Variants in ESR1 observed in about 807,000 individuals in gnomAD.
ESR1 encodes estrogen receptor.
In ESR1, 12 loss-of-function variants were observed where a neutral mutation model predicts 52.7. The observed-to-expected ratio is 0.23, with a 90% CI of 0.15 to 0.37. The LOEUF (loss-of-function observed/expected upper bound fraction) is 0.37, where lower values mean the gene tolerates loss of function less well. Ranked by LOEUF, ESR1 falls within the 10% of genes least tolerant of loss-of-function variation. The probability of loss-of-function intolerance (pLI) is 1.00; values close to 1 mark genes in which losing one functional copy is unlikely to be tolerated. For synonymous variants in ESR1, 305 were observed against 316.8 expected (o/e 0.96, Z 0.39); for missense variants, 584 against 779.7 (o/e 0.75, Z 2.99).
chr6:151,727,291 T>A (rs1357974114), intron 2 of ESR1, among the ~76,000 whole-genome samples: 2 of 151,982 alleles, frequency 1.3e-5, no homozygotes, highest in Non-Finnish European at 2.9e-5. Flanking sequence ...AACCTTCACC[T>A]CCTGGGTCCA....
At chr6:151,910,256 A>T (rs1012943437) in intron 3 of ESR1, among the ~76,000 whole-genome samples, 2 of 152,066 alleles carry the variant, frequency 1.3e-5, no homozygotes, top group Non-Finnish European at 2.9e-5. Flanking sequence ...AATTAAATTT[A>T]ATTTAAATTT....
chr6:151,913,648 CT>C (rs34486255), intron 3 of ESR1, among the ~76,000 whole-genome samples: 1 of 152,234 alleles, frequency 6.6e-6, no homozygotes, highest in East Asian at 1.9e-4. Flanking sequence ...TCAAAATGAT[CT>C]TTTTTCCCAT....
intron 6 of ESR1, among the ~76,000 whole-genome samples, chr6:152,074,956 G>A (rs749898513): frequency 1.3e-5 from 2 of 152,196 alleles, no homozygotes; most frequent in Non-Finnish European, 2.9e-5. Context: ...TTATCGTTGA[G>A]TTTTAAAAGC....
At chr6:151,806,142 A>C (rs1777794621), upstream of ESR1, among the ~76,000 whole-genome samples, 3 of 152,218 alleles carry the variant, frequency 2.0e-5, no homozygotes, top group South Asian at 6.2e-4. Flanking sequence ...GCTGGCCATA[A>C]AGGGAAATAT....
intron 2 of ESR1, among the ~76,000 whole-genome samples, chr6:151,846,204 A>G (rs1054839568): frequency 6.6e-6 from 1 of 152,230 alleles, no homozygotes; most frequent in Non-Finnish European, 1.5e-5. Context: ...GGGGAATTCT[A>G]TGCGTAATAT....
chr6:151,700,273 T>A (rs1011720614), intron 1 of ESR1, among the ~76,000 whole-genome samples: 2 of 152,216 alleles, frequency 1.3e-5, no homozygotes, highest in Non-Finnish European at 2.9e-5. Context: ...AGTCTTTTTT[T>A]ATAGTTTAGT....
intron 4 of ESR1, among the ~76,000 whole-genome samples, chr6:151,985,507 C>CAAA (rs560626079): frequency 9.7e-5 from 5 of 51,346 alleles, no homozygotes; most frequent in East Asian, 9.8e-4. Context: ...GACTCTGTCT[C>CAAA]AAAAAAAAAA....
At chr6:152,108,826 T>C (rs993156707) in intron 6 of ESR1, among the ~76,000 whole-genome samples, 2 of 152,240 alleles carry the variant, frequency 1.3e-5, no homozygotes, top group Admixed American at 6.5e-5. Context: ...TTAGATTTGC[T>C]TCTCCAAAAA....
At chr6:151,679,909 C>T (rs139504745) in intron 1 of ESR1, among the ~76,000 whole-genome samples, 1 of 152,318 alleles carries the variant, frequency 6.6e-6, no homozygotes, top group African/African-American at 2.4e-5. Flanking sequence ...TTCTCAGTCA[C>T]CCTGTCTGAT....
intron 2 of ESR1, among the ~76,000 whole-genome samples, chr6:151,759,600 T>G (rs1124674): frequency 0.6 from 90,530 of 152,114 alleles, 27,424 homozygotes; most frequent in Admixed American, 0.64. Flanking sequence ...TTGAAGCTAG[T>G]TTAGTATCTC....
chr6:151,869,221 C>A (rs892468507), intron 2 of ESR1, among the ~76,000 whole-genome samples: 13 of 152,144 alleles, frequency 8.5e-5, no homozygotes, highest in Non-Finnish European at 1.8e-4. Flanking sequence ...GTTTAGATTT[C>A]AAATGAGTAC....
chr6:151,907,067 G>T (rs913892728), intron 3 of ESR1, among the ~76,000 whole-genome samples: 2 of 151,888 alleles, frequency 1.3e-5, no homozygotes, highest in African/African-American at 4.8e-5. Context: ...CTGTTGAAGA[G>T]AATCTGATTC....
chr6:151,732,577 C>T (rs796869055), intron 2 of ESR1, among the ~76,000 whole-genome samples: 11 of 151,018 alleles, frequency 7.3e-5, no homozygotes, highest in African/African-American at 2.7e-4. Flanking sequence ...AGGTTTGTCT[C>T]ATTCTTCTAT....
At chr6:151,814,664 TAAA>T (rs1341344692) in intron 1 of ESR1, among the ~76,000 whole-genome samples, 2 of 152,194 alleles carry the variant, frequency 1.3e-5, no homozygotes, top group African/African-American at 4.8e-5. Context: ...TTCAACAAAA[TAAA>T]GAAGAAATTT....
At chr6:152,002,206 G>A (rs1221464652) in intron 4 of ESR1, among the ~76,000 whole-genome samples, 1 of 151,596 alleles carries the variant, frequency 6.6e-6, no homozygotes, top group Admixed American at 6.6e-5. Context: ...GTGTGTGTGT[G>A]TGTGTGTGTG....
intron 3 of ESR1, among the ~76,000 whole-genome samples, chr6:151,912,854 G>C (rs1798481098): frequency 6.6e-6 from 1 of 152,136 alleles, no homozygotes; most frequent in African/African-American, 2.4e-5. Context: ...GCACTCATAA[G>C]TGGGAGTTGA....
chr6:152,088,413 A>C (rs1199487313), intron 6 of ESR1, among the ~76,000 whole-genome samples: 3 of 152,190 alleles, frequency 2.0e-5, no homozygotes, highest in African/African-American at 7.2e-5. Flanking sequence ...AAAATATGCT[A>C]CCGTGTGGTC....
intron 6 of ESR1, chr6:152,118,180 A>C (rs934738348): frequency 1.3e-5 from 2 of 152,178 alleles, no homozygotes; most frequent in African/African-American, 4.8e-5. Context: ...TAACAGCTTT[A>C]ATCTCCCTTT....
chr6:151,727,706 G>C (rs758909676), intron 2 of ESR1, among the ~76,000 whole-genome samples: 32 of 152,170 alleles, frequency 2.1e-4, no homozygotes, highest in Non-Finnish European at 3.4e-4. Flanking sequence ...TGTCTAGGGA[G>C]AGATCTGGTG....
Sources: gnomAD v4.1 joint callset for allele counts (sites outside exome capture counted in the v4.1 genomes callset) on GRCh38, gnomAD v4.1.1 for gene constraint, MANE v1.5 for transcripts, NCBI Gene and HGNC (gene_info 2026-07-23, HGNC 2026-07-21) for gene names.